Variants in MTHFD2 observed in about 807,000 individuals in gnomAD.
MTHFD2 encodes bifunctional methylenetetrahydrofolate dehydrogenase/cyclohydrolase, mitochondrial.
Under a neutral mutation model 36.8 loss-of-function variants are expected in MTHFD2, and 26 were observed. That is an observed-to-expected ratio of 0.71 (90% CI 0.52 to 0.98). MTHFD2 has a LOEUF of 0.98. MTHFD2 is among the 50% of genes least tolerant of loss of function. The probability of loss-of-function intolerance (pLI) is 0.00; values close to 1 mark genes in which losing one functional copy is unlikely to be tolerated. For missense variants in MTHFD2, 373 were observed against 434.0 expected (o/e 0.86, Z 1.25); for synonymous variants, 164 against 155.2 (o/e 1.06, Z -0.42).
chr2:74,204,673 G>T (rs1039207227), intron 1 of MTHFD2, among the ~76,000 whole-genome samples: 3 of 152,180 alleles, frequency 2.0e-5, no homozygotes, highest in African/African-American at 7.2e-5. Context: ...GGATGATATG[G>T]TGGGGTCCCT....
At chr2:74,207,151 C>T (rs748085324) in intron 2 of MTHFD2, among the ~76,000 whole-genome samples, 5 of 151,904 alleles carry the variant, frequency 3.3e-5, no homozygotes, top group African/African-American at 7.3e-5. Flanking sequence ...TATTTAGAGA[C>T]GGAGTCTCGC....
At chr2:74,205,633 T>G (rs1407614639) in intron 1 of MTHFD2, 72 bp from the exon 2 acceptor site, 17 of 1,517,474 alleles carry the variant, frequency 1.1e-5, no homozygotes, top group Non-Finnish European at 1.4e-5. Flanking sequence ...CATAAGCCAC[T>G]ACACCTGGCA....
Position 74,202,259 on chromosome 2 carries a change from C to CAT in MTHFD2, c.102-3436_102-3435dup, listed in dbSNP as rs893658351. ...ACATGTGTATGTGTGTGTATATATACATATATATATAAAACCAAGAGAAAA... is the reference window on the plus strand; with the variant it reads ...ACATGTGTATGTGTGTGTATATATACATATATATATATAAAACCAAGAGAAAA... On this transcript the variant is annotated intron_variant, in intron 1 of 7. Coordinates refer to ENST00000394053, the MANE Select transcript of MTHFD2 (RefSeq NM_006636.4). Among the ~76,000 whole-genome samples the CAT allele has an allele frequency of 2.0e-4, 30 of 151,806 alleles. No homozygotes were observed. The East Asian group carries it at 3.7e-3, about 19-fold the overall frequency.
chr2:74,209,275 C>G (rs182911119), intron 4 of MTHFD2, among the ~76,000 whole-genome samples: 7 of 151,690 alleles, frequency 4.6e-5, no homozygotes, highest in African/African-American at 1.7e-4. Flanking sequence ...CGGAGTCTTG[C>G]TCTGTTGCCC....
rs1170546730 is a variant in MTHFD2 at position 74,215,309 on chromosome 2, C to T, written c.*1067C>T. On this transcript the variant is annotated 3_prime_UTR_variant, in exon 8 of 8. Transcript: ENST00000394053. ...TATGAATTTCTGAAATTCTGTCTTC[C>T]TATGACTCCTAGTTGTGACCTAACC... is the stretch of plus-strand genomic sequence containing the variant. 6.6e-6 allele frequency: 1 copy of T among 152,234 alleles called. No individual in the cohort carries two copies. Among genetic ancestry groups the T allele is most frequent in the Non-Finnish European group, 1.5e-5 (1 of 68,028 alleles). The allele number at this position is 152,234 out of a possible 1,614,324, so 9.4% of individuals were successfully genotyped here. A position where few individuals can be genotyped will look rare whatever the true frequency, so the allele number is the denominator to read the frequency against.
At chr2:74,213,879 T>A (rs1484516449) in intron 7 of MTHFD2, among the ~76,000 whole-genome samples, 200 bp from the exon 8 acceptor site, 2 of 152,252 alleles carry the variant, frequency 1.3e-5, no homozygotes, top group African/African-American at 2.4e-5. Flanking sequence ...CTTAGATGTA[T>A]AAATATTCCT....
In MTHFD2 at chr2:74,211,182, T is replaced by A; in HGVS notation, c.671-17T>A. The stretch of plus-strand genomic sequence containing the variant: ...GCTTTGTGTCAGAAATCAAGACATC[T>A]ATTTTTTTCTTTCTAGGTGATGCCA... On this transcript the variant is annotated splice_polypyrimidine_tract_variant and intron_variant, in intron 5 of 7. Coordinates refer to ENST00000394053, the MANE Select transcript of MTHFD2 (RefSeq NM_006636.4). 6.6e-7 allele frequency: 1 copy of A among 1,524,890 alleles called. No individual in the cohort carries two copies. The highest frequency in any genetic ancestry group is 9.1e-7 in the Non-Finnish European group (1 of 1,101,410). The allele number at this position is 1,524,890 out of a possible 1,614,324, so 94.5% of individuals were successfully genotyped here.
chr2:74,214,033 T>A, intron 7 of MTHFD2, 46 bp from the exon 8 acceptor site: 1 of 1,586,498 alleles, frequency 6.3e-7, no homozygotes. Flanking sequence ...TACACACATG[T>A]CCTTTGCCAT....
intron 1 of MTHFD2, 136 bp downstream of exon 1, chr2:74,198,878 G>T (rs1035876519): frequency 1.6e-5 from 13 of 795,768 alleles, no homozygotes; most frequent in Middle Eastern, 3.9e-4. Flanking sequence ...CCGCTGAGGG[G>T]TGTGGCGGGG....
chr2:74,212,212 CCCTCCCCTCCCCT>C (rs1239318588), intron 7 of MTHFD2, among the ~76,000 whole-genome samples: 1 of 140,600 alleles, frequency 7.1e-6, no homozygotes, highest in African/African-American at 2.6e-5. Context: ...TCCTTCCTTC[CCCTCCCCTCCCCT>C]CCTCTCCCCC....
At position 74,211,833 on chromosome 2, in the gene MTHFD2, A is replaced by G; in HGVS notation, c.856A>G (p.Lys286Glu). Residue 286 changes from lysine to glutamate, a missense_variant, in exon 7 of 8, where the codon AAA becomes GAA. By Grantham distance (56) the Lys-to-Glu change is moderately conservative (BLOSUM62 1). Coordinates refer to ENST00000394053, the MANE Select transcript of MTHFD2 (RefSeq NM_006636.4). The stretch of plus-strand genomic sequence containing the variant: ...TAGAGTTCACGATCCTGTAACTGCC[A>G]AACCCAAGTTGGTTGGAGATGTGGA... ...INRVHDPVTA[K>E]PKLVGDVDFE... The G allele has an allele frequency of 7.4e-6, 12 of 1,611,472 alleles. No homozygotes were observed. The highest frequency in any genetic ancestry group is 1.0e-5 in the Non-Finnish European group (12 of 1,179,610).
rs941107932 is a variant in MTHFD2, at chr2:74,217,339, G to T, written c.*3097G>T. 1.3e-5 allele frequency: 2 copies of T among 152,172 alleles called. No individual in the cohort carries two copies. Among genetic ancestry groups the T allele is most frequent in the African/African-American group, 4.8e-5 (2 of 41,434 alleles). The allele number at this position is 152,172 out of a possible 1,614,324, so 9.4% of individuals were successfully genotyped here. On this transcript the variant is annotated 3_prime_UTR_variant, in exon 8 of 8. Coordinates refer to ENST00000394053, the MANE Select transcript of MTHFD2 (RefSeq NM_006636.4). ...GGTTGGTGTTCATTAAATGTGGATT[G>T]AAGATAAAATGACTGATCTTAAGTT...
intron 1 of MTHFD2, among the ~76,000 whole-genome samples, chr2:74,204,947 A>G (rs111314349): frequency 0.047 from 7,141 of 152,058 alleles, 525 homozygotes; most frequent in African/African-American, 0.16. Context: ...TGCCTCAGCC[A>G]CCTGAGTAGC....
At position 74,215,246 on chromosome 2, in the gene MTHFD2, TTC is replaced by T. The variant is rs1399304604; in HGVS notation, c.*1006_*1007del. 54 of 152,586 alleles carry T rather than the reference TTC, an allele frequency of 3.5e-4. No individual in the cohort carries two copies. Among genetic ancestry groups the T allele is most frequent in the African/African-American group, 1.2e-3 (49 of 41,480 alleles). The allele number at this position is 152,586 out of a possible 1,614,324, so 9.5% of individuals were successfully genotyped here. On this transcript the variant is annotated 3_prime_UTR_variant, in exon 8 of 8. Coordinates refer to ENST00000394053, the MANE Select transcript of MTHFD2 (RefSeq NM_006636.4). ...AATCAGACTTTCTGATTAAAGGGTT[TTC>T]TTTCTTTTTTAATAAAACACATCTG...
intron 6 of MTHFD2, 34 bp from the exon 7 acceptor site, chr2:74,211,707 G>T: frequency 5.7e-6 from 9 of 1,590,110 alleles, no homozygotes; most frequent in Non-Finnish European, 7.7e-6. Flanking sequence ...ACTGTTTTCA[G>T]TACTAAGTTG....
intron 1 of MTHFD2, among the ~76,000 whole-genome samples, chr2:74,199,673 C>T (rs140150731): frequency 6.7e-6 from 1 of 148,492 alleles, no homozygotes; most frequent in Non-Finnish European, 1.5e-5. Context: ...GCACCACTGC[C>T]CTCCAGTCTG....
At chr2:74,207,889 T>TCTCTCTCTCCCTCCCCATCCCC in intron 3 of MTHFD2, 63 bp downstream of exon 3, 1 of 1,423,778 alleles carries the variant, frequency 7.0e-7, no homozygotes, top group Non-Finnish European at 9.6e-7. Flanking sequence ...TCTCCCTCCC[T>TCTCTCTCTCCCTCCCCATCCCC]CTCTCTCTCC....
rs762845420 is a variant in MTHFD2 at position 74,207,721 on chromosome 2, A to G, written c.304A>G (p.Ile102Val). 2 of 1,608,374 alleles carry G rather than the reference A, an allele frequency of 1.2e-6. No homozygotes were observed. The highest frequency in any genetic ancestry group is 1.1e-5 in the South Asian group (1 of 90,796). The part of the protein sequence containing the change: ...AAVVGINSET[I>V]MKPASISEEE... ...TATAATAGGAATCAACAGTGAGACA[A>G]TTATGAAACCAGCTTCAATTTCAGA... is the stretch of plus-strand genomic sequence containing the variant. Residue 102 changes from isoleucine (I) to valine (V), a missense_variant, in exon 3 of 8, where the codon ATT becomes GTT. Ile to Val is a conservative substitution (Grantham distance 29). Coordinates refer to ENST00000394053, the MANE Select transcript of MTHFD2 (RefSeq NM_006636.4).
Position 74,215,968 on chromosome 2 carries a change from A to T in MTHFD2, c.*1726A>T, listed in dbSNP as rs1694434068. On this transcript the variant is annotated 3_prime_UTR_variant, in exon 8 of 8. Coordinates refer to ENST00000394053, the MANE Select transcript of MTHFD2 (RefSeq NM_006636.4). ...AAGCTAGGAGCTTAATCTGTAAAAT[A>T]CTTGAGGCAGGGATAGGTTTGTCTG... is the stretch of plus-strand genomic sequence containing the variant. 1 of 152,256 alleles carries T rather than the reference A, an allele frequency of 6.6e-6. No individual in the cohort carries two copies. The highest frequency in any genetic ancestry group is 1.5e-5 in the Non-Finnish European group (1 of 68,074). 9.4% of individuals were successfully genotyped at this position (152,256 alleles called of 1,614,324 possible). A position where few individuals can be genotyped will look rare whatever the true frequency, so the allele number is the denominator to read the frequency against.
Sources: gnomAD v4.1 joint callset for allele counts (sites outside exome capture counted in the v4.1 genomes callset) on GRCh38, gnomAD v4.1.1 for gene constraint, MANE v1.5 for transcripts, NCBI Gene and HGNC (gene_info 2026-07-23, HGNC 2026-07-21) for gene names.